Variants in RAD54B observed in about 807,000 individuals in gnomAD.
RAD54B encodes RAD54 homolog B, also known as DNA repair and recombination protein RAD54B.
A neutral mutation model predicts 95.8 loss-of-function variants in RAD54B; 78 were observed. The ratio of observed to expected loss-of-function variants is 0.81; its 90% confidence interval spans 0.68 to 0.98. The LOEUF is 0.98. RAD54B is among the 50% of genes least tolerant of loss of function. RAD54B has a pLI of 0.00. For missense variants in RAD54B, 957 were observed against 1,056.6 expected (o/e 0.91, Z 1.31); for synonymous variants, 328 against 354.9 (o/e 0.92, Z 0.85).
At chr8:94,444,035 AATTTAT>A (rs1812462730) in intron 3 of RAD54B, among the ~76,000 whole-genome samples, 1 of 152,094 alleles carries the variant, frequency 6.6e-6, no homozygotes, top group Non-Finnish European at 1.5e-5. Context: ...TATCATATAA[AATTTAT>A]ATTAAATTTT....
At chr8:94,470,588 T>C (rs10105901) in intron 1 of RAD54B, among the ~76,000 whole-genome samples, 5,932 of 127,652 alleles carry the variant, frequency 0.046, 135 homozygotes, top group Middle Eastern at 0.065. Context: ...AGAGCGAAAC[T>C]TCGTCTAAAA....
Position 94,385,317 on chromosome 8 carries a change from A to G in RAD54B, c.1985+1667T>C, listed in dbSNP as rs185944984. Among the ~76,000 whole-genome samples, 575 of 149,322 alleles carry G rather than the reference A, an allele frequency of 3.9e-3. 1 individual carries two copies. The highest frequency in any genetic ancestry group is 6.7e-3 in the Non-Finnish European group (451 of 67,778). ...CTTTTCACTCATTATCCTTTGTCCA[A>G]TGACAGCCACCTATCCCGCCCACCC... is the stretch of plus-strand genomic sequence containing the variant. On this transcript the variant is annotated intron_variant, in intron 11 of 14. Coordinates refer to ENST00000336148, the MANE Select transcript of RAD54B (RefSeq NM_012415.3).
At chr8:94,408,772 T>C (rs761703295) in intron 4 of RAD54B, among the ~76,000 whole-genome samples, 2 of 152,162 alleles carry the variant, frequency 1.3e-5, no homozygotes, top group Admixed American at 1.3e-4. Flanking sequence ...TTAATGAAGA[T>C]TATAGTTTTA....
At chr8:94,375,859 C>T (rs1384653312) in intron 14 of RAD54B, among the ~76,000 whole-genome samples, 1 of 151,850 alleles carries the variant, frequency 6.6e-6, no homozygotes, top group East Asian at 1.9e-4. Context: ...CACAAAAAAA[C>T]TAATAGTGGT....
intron 3 of RAD54B, among the ~76,000 whole-genome samples, chr8:94,424,059 G>A (rs1475313672): frequency 1.3e-5 from 2 of 152,102 alleles, no homozygotes; most frequent in African/African-American, 4.8e-5. Context: ...GACCCTCCCT[G>A]CCACCATCCC....
chr8:94,387,060 T>C lies in RAD54B; in HGVS notation c.1909A>G (p.Thr637Ala). ...TGTAGTTTTCCTGACTCCTTTTCAG[T>C]AAACAGGAGAGGGTTGTAGTCAGCA... The part of the protein sequence containing the change: ...FPADYNPLLF[T>A]EKESGKLQVL... The change falls in exon 11 of 15, where the codon ACT becomes GCT. Residue 637 changes from threonine to alanine, a missense_variant. Thr to Ala is a moderately conservative substitution (Grantham distance 58). Transcript: ENST00000336148. 3 of 1,613,616 alleles carry C rather than the reference T, an allele frequency of 1.9e-6. No homozygotes were observed. Among genetic ancestry groups the C allele is most frequent in the Non-Finnish European group, 2.5e-6 (3 of 1,179,682 alleles).
At chr8:94,377,703 G>A (rs974892452) in intron 14 of RAD54B, among the ~76,000 whole-genome samples, 8 of 151,600 alleles carry the variant, frequency 5.3e-5, no homozygotes, top group African/African-American at 1.2e-4. Context: ...TGGGCCGGGC[G>A]CGGTGGCTCA....
intron 3 of RAD54B, among the ~76,000 whole-genome samples, chr8:94,426,891 AC>A (rs1189705428): frequency 6.6e-6 from 1 of 152,194 alleles, no homozygotes. Context: ...CTCTAGTAAT[AC>A]TCATGCTGAA....
At chr8:94,457,761 T>C (rs2130176372) in intron 3 of RAD54B, among the ~76,000 whole-genome samples, 1 of 152,328 alleles carries the variant, frequency 6.6e-6, no homozygotes, top group South Asian at 2.1e-4. Context: ...AGTGTTCTCT[T>C]ACATATACAA....
intron 3 of RAD54B, among the ~76,000 whole-genome samples, chr8:94,437,242 G>C (rs1812289920): frequency 6.6e-6 from 1 of 152,228 alleles, no homozygotes; most frequent in Admixed American, 6.5e-5. Context: ...TGTATGCCTA[G>C]CTGACAGACT....
At chr8:94,467,042 C>A (rs1813041298) in intron 2 of RAD54B, among the ~76,000 whole-genome samples, 1 of 152,164 alleles carries the variant, frequency 6.6e-6, no homozygotes, top group African/African-American at 2.4e-5. Context: ...CATCCTCCCA[C>A]CTCAGCCTCC....
chr8:94,418,496 T>C (rs530346282), intron 3 of RAD54B, among the ~76,000 whole-genome samples: 2 of 152,326 alleles, frequency 1.3e-5, no homozygotes, highest in South Asian at 4.1e-4. Context: ...ACTTTTTCTT[T>C]TGATGTACAG....
At chr8:94,432,774 C>T (rs1193521223) in intron 3 of RAD54B, 62 of 1,245,448 alleles carry the variant, frequency 5.0e-5, no homozygotes, top group Non-Finnish European at 6.4e-5. Flanking sequence ...TATAAAGTTA[C>T]AAAATAAAAA....
chr8:94,463,893 CAAAAA>C (rs553168595), intron 2 of RAD54B, among the ~76,000 whole-genome samples: 2 of 90,974 alleles, frequency 2.2e-5, no homozygotes, highest in Non-Finnish European at 2.2e-5. Flanking sequence ...GACCCTATCT[CAAAAA>C]AAAAAAAAAA....
At chr8:94,386,849 G>T (rs1470092956) in intron 11 of RAD54B, 135 bp downstream of exon 11, 1 of 583,406 alleles carries the variant, frequency 1.7e-6, no homozygotes, top group African/African-American at 1.9e-5. Flanking sequence ...TGAAATACTA[G>T]AAGCTAACCA....
At chr8:94,451,632 T>C (rs569720184) in intron 3 of RAD54B, among the ~76,000 whole-genome samples, 2 of 152,288 alleles carry the variant, frequency 1.3e-5, no homozygotes, top group East Asian at 1.9e-4. Flanking sequence ...TGCCTTCTGA[T>C]TGATATACTA....
chr8:94,473,465 G>C (rs1416835195), intron 1 of RAD54B, among the ~76,000 whole-genome samples: 1 of 152,104 alleles, frequency 6.6e-6, no homozygotes, highest in Non-Finnish European at 1.5e-5. Context: ...TTTAAGAGGG[G>C]GTACCATAAT....
At chr8:94,394,002 A>G in intron 8 of RAD54B, 120 bp from the exon 9 acceptor site, 1 of 914,950 alleles carries the variant, frequency 1.1e-6, no homozygotes, top group Non-Finnish European at 1.7e-6. Flanking sequence ...GAATAAATAC[A>G]AGCAAATTGC....
chr8:94,438,296 T>C (rs1812317925), intron 3 of RAD54B, among the ~76,000 whole-genome samples: 1 of 152,246 alleles, frequency 6.6e-6, no homozygotes, highest in African/African-American at 2.4e-5. Flanking sequence ...CAGTGAAAGA[T>C]TGCTGGATGT....
Sources: allele counts gnomAD v4.1 joint callset (sites outside exome capture counted in the v4.1 genomes callset), GRCh38; gene constraint gnomAD v4.1.1; transcripts MANE v1.5; gene names NCBI Gene and HGNC (gene_info 2026-07-23, HGNC 2026-07-21).